Variants in DTNB observed in about 807,000 individuals in gnomAD.
DTNB encodes DTN-B.
DTNB carries 63 observed loss-of-function variants against 90.7 expected under a neutral mutation model. The observed-to-expected ratio is 0.69, with a 90% CI of 0.57 to 0.86. The LOEUF (loss-of-function observed/expected upper bound fraction) is 0.86. DTNB is among the 40% of genes least tolerant of loss of function. DTNB has a pLI of 0.00. For synonymous variants in DTNB, 277 were observed against 286.7 expected, an observed-to-expected ratio of 0.97 and a Z score of 0.34; for missense variants, 744 against 807.1, an observed-to-expected ratio of 0.92 and a Z score of 0.95.
chr2:25,387,351 A>G lies in DTNB; in HGVS notation c.1763T>C (p.Leu588Pro). 6.2e-7 allele frequency: 1 copy of G among 1,612,426 alleles called. No individual in the cohort carries two copies. Among genetic ancestry groups the G allele is most frequent in the Non-Finnish European group, 8.5e-7 (1 of 1,179,362 alleles). The change falls in exon 18 of 21, where the codon CTG (leucine) becomes CCG (proline). Residue 588 changes from leucine to proline, a missense_variant. Coordinates refer to ENST00000406818, the MANE Select transcript of DTNB (RefSeq NM_021907.5). The surrounding 1 kb of genome is among the most constrained non-coding windows in gnomAD (Gnocchi z 4.5). ...QGTRRNLRND[L>P]LVAADSITNT... ...GGTGATGGAGTCAGCTGCCACCAGC[A>G]GGTCATTGCGGAGGTTTCTCCTCGT...
At chr2:25,433,173 A>G (rs1460235122) in intron 13 of DTNB, among the ~76,000 whole-genome samples, 174 bp from the exon 14 acceptor site, 4 of 152,184 alleles carry the variant, frequency 2.6e-5, no homozygotes, top group Non-Finnish European at 1.5e-5. Context: ...TTCACCTGAC[A>G]TTTCCTCAAC....
chr2:25,444,773 C>T (rs1303545588), intron 12 of DTNB, among the ~76,000 whole-genome samples: 1 of 152,144 alleles, frequency 6.6e-6, no homozygotes, highest in East Asian at 1.9e-4. Flanking sequence ...TCAATACAAA[C>T]CTATCTGGCA....
At chr2:25,667,165 ACAAAAT>A (rs1028114822) in intron 1 of DTNB, among the ~76,000 whole-genome samples, 1 of 151,896 alleles carries the variant, frequency 6.6e-6, no homozygotes, top group African/African-American at 2.4e-5. Flanking sequence ...AGAAAAGAAA[ACAAAAT>A]CAAAAGCACT....
At chr2:25,570,831 A>C (rs567586675) in intron 8 of DTNB, among the ~76,000 whole-genome samples, 18 of 152,148 alleles carry the variant, frequency 1.2e-4, no homozygotes, top group Non-Finnish European at 2.4e-4. Context: ...TCATGGTGTA[A>C]GTGGTATCAC....
chr2:25,397,337 CAAAA>C (rs749225408), intron 16 of DTNB, among the ~76,000 whole-genome samples: 7 of 63,400 alleles, frequency 1.1e-4, no homozygotes, highest in African/African-American at 1.1e-4. Context: ...GACTCTGTCT[CAAAA>C]AAAAAAAAAA....
At chr2:25,657,954 A>C (rs776362253) in intron 1 of DTNB, among the ~76,000 whole-genome samples, 5 of 152,124 alleles carry the variant, frequency 3.3e-5, no homozygotes, top group Non-Finnish European at 7.4e-5. Flanking sequence ...AAAACAACTG[A>C]CAACATCAAA....
At chr2:25,660,089 T>C (rs1392128415) in intron 1 of DTNB, among the ~76,000 whole-genome samples, 2 of 152,134 alleles carry the variant, frequency 1.3e-5, no homozygotes, top group Non-Finnish European at 2.9e-5. Context: ...AGTCCAGAAA[T>C]ATATCCTTAC....
In DTNB at chr2:25,531,586, T is replaced by C. The variant is rs2078208102; in HGVS notation, c.888A>G (p.Ala296=). The change falls in exon 9 of 21, where the codon GCA becomes GCG. Residue 296 remains alanine, a synonymous_variant. Transcript: ENST00000406818. ...TACTAATTGCATGGCTCAGCTTCTT[T>C]GCAGGAGATTTCTGTGTCAAAGCAG... ...MKEHSSWKSP[A]KKLSHAISKS... is the part of the protein sequence containing the mutation. The C allele has an allele frequency of 6.2e-7, 1 of 1,613,686 alleles. No individual in the cohort carries two copies. The highest frequency in any genetic ancestry group is 8.5e-7 in the Non-Finnish European group (1 of 1,179,820).
chr2:25,607,176 T>C (rs2067290284), intron 5 of DTNB, 60 bp downstream of exon 5: 9 of 1,504,368 alleles, frequency 6.0e-6, no homozygotes, highest in Middle Eastern at 1.8e-4. Flanking sequence ...ATTCTGACAA[T>C]ATTCATTTAA....
Position 25,396,946 on chromosome 2 carries a change from A to T in DTNB, c.1576-8585T>A, listed in dbSNP as rs182899374. On this transcript the variant is annotated intron_variant, in intron 16 of 20. Transcript: ENST00000406818. Reference sequence around the variant, plus strand: ...AAAATCTCAACAATTTCTGAATTGAATATAAGATAAAAGGGATAAATTTGT... The same window carrying T: ...AAAATCTCAACAATTTCTGAATTGATTATAAGATAAAAGGGATAAATTTGT... 6.5e-3 allele frequency among the ~76,000 whole-genome samples: 989 copies of T among 152,196 alleles called. 7 individuals carry two copies. The highest frequency in any genetic ancestry group is 9.0e-3 in the Admixed American group (137 of 15,284).
At chr2:25,557,104 G>T (rs1476639495) in intron 8 of DTNB, among the ~76,000 whole-genome samples, 1 of 152,196 alleles carries the variant, frequency 6.6e-6, no homozygotes, top group African/African-American at 2.4e-5. Context: ...GTAGGAAGGA[G>T]TGTGACCAAT....
At chr2:25,501,213 T>C (rs925077378) in intron 9 of DTNB, among the ~76,000 whole-genome samples, 12 of 151,952 alleles carry the variant, frequency 7.9e-5, no homozygotes, top group Non-Finnish European at 4.4e-5. Flanking sequence ...AGAAGTTTTT[T>C]TTTTTCTTTT....
chr2:25,382,519 CTTTTTTTTTTTT>C lies in DTNB; in HGVS notation c.1879+1305_1879+1316del, dbSNP rs3041261. On this transcript the variant is annotated intron_variant, in intron 19 of 20. Coordinates refer to ENST00000406818, the MANE Select transcript of DTNB (RefSeq NM_021907.5). ...GAGTCAGAAAGACCCAGTTCTCTGC[CTTTTTTTTTTTT>C]TTTTTTTTTTTTTTTGAGACAGAGT... 6.5e-4 allele frequency among the ~76,000 whole-genome samples: 47 copies of C among 72,052 alleles called. 2 individuals are homozygous for C. Among genetic ancestry groups the C allele is most frequent in the African/African-American group, 2.1e-3 (35 of 16,564 alleles). The allele number at this position is 72,052 out of a possible 152,430, so 47.3% of individuals were successfully genotyped here. A position where few individuals can be genotyped will look rare whatever the true frequency, so the allele number is the denominator to read the frequency against.
At chr2:25,549,444 TTAAAA>T (rs1274048450) in intron 8 of DTNB, among the ~76,000 whole-genome samples, 4 of 152,188 alleles carry the variant, frequency 2.6e-5, no homozygotes, top group African/African-American at 9.7e-5. Context: ...TAATGCATAC[TTAAAA>T]TAATATTTTC....
At chr2:25,628,710 C>A (rs2075010312) in intron 3 of DTNB, among the ~76,000 whole-genome samples, 1 of 152,172 alleles carries the variant, frequency 6.6e-6, no homozygotes, top group African/African-American at 2.4e-5. Flanking sequence ...AACTTCTAGT[C>A]TTTTTGAAAA....
chr2:25,502,141 C>A (rs1330629682), intron 9 of DTNB, among the ~76,000 whole-genome samples: 3 of 151,942 alleles, frequency 2.0e-5, no homozygotes, highest in Admixed American at 1.3e-4. Flanking sequence ...GCCGTGATTG[C>A]ACCACTGCAC....
intron 19 of DTNB, 130 bp downstream of exon 19, chr2:25,383,706 C>T (rs2038569959): frequency 1.3e-6 from 2 of 1,579,036 alleles, no homozygotes; most frequent in East Asian, 2.2e-5. Context: ...AAAGTAGGTA[C>T]AGGGACCTCG....
At chr2:25,610,267 C>CA (rs2068240955) in intron 4 of DTNB, among the ~76,000 whole-genome samples, 2 of 152,146 alleles carry the variant, frequency 1.3e-5, no homozygotes, top group South Asian at 2.1e-4. Context: ...CATGCCACCA[C>CA]ACCTGGCTTG....
chr2:25,411,165 C>T (rs2046502011), intron 16 of DTNB, among the ~76,000 whole-genome samples: 1 of 151,952 alleles, frequency 6.6e-6, no homozygotes. Flanking sequence ...TTGAGACCAG[C>T]CTGGCCAACA....
Sources: allele counts gnomAD v4.1 joint callset (sites outside exome capture counted in the v4.1 genomes callset), GRCh38; gene constraint gnomAD v4.1.1; non-coding constraint Gnocchi (gnomAD v3.1); transcripts MANE v1.5; gene names NCBI Gene and HGNC (gene_info 2026-07-23, HGNC 2026-07-21).